NRXN3: variants seen among roughly 807,000 people sequenced by gnomAD.
The protein encoded by NRXN3 is neurexin 3.
NRXN3 carries 32 observed loss-of-function variants against 137.6 expected under a neutral mutation model. The ratio of observed to expected loss-of-function variants is 0.23; its 90% CI spans 0.18 to 0.31. NRXN3 has a LOEUF of 0.31. NRXN3 is among the 10% of genes least tolerant of loss of function. The pLI, the probability that NRXN3 is intolerant of heterozygous loss-of-function variation, is 1.00. For synonymous variants in NRXN3, 798 were observed against 784.5 expected (o/e 1.02, Z -0.29); for missense variants, 1,574 against 2,062.5 (o/e 0.76, Z 4.59).
chr14:78,781,042 A>G (rs2153027821), intron 8 of NRXN3, among the ~76,000 whole-genome samples: 1 of 152,342 alleles, frequency 6.6e-6, no homozygotes, highest in East Asian at 1.9e-4. Flanking sequence ...GAGTGCATCA[A>G]TAAATTGTGG....
intron 15 of NRXN3, among the ~76,000 whole-genome samples, chr14:79,309,824 G>C (rs1242539641): frequency 2.1e-5 from 3 of 139,940 alleles, no homozygotes; most frequent in African/African-American, 8.7e-5. Flanking sequence ...TGTAGATTCT[G>C]GATATTAGCC....
intron 15 of NRXN3, among the ~76,000 whole-genome samples, chr14:79,157,106 T>C (rs1436664247): frequency 1.3e-5 from 2 of 151,842 alleles, no homozygotes; most frequent in Non-Finnish European, 2.9e-5. Context: ...GGTCATGTTA[T>C]TGTTGTTGCT....
chr14:78,504,822 T>A (rs1460291748), intron 4 of NRXN3, among the ~76,000 whole-genome samples: 8 of 152,106 alleles, frequency 5.3e-5, no homozygotes, highest in Non-Finnish European at 5.9e-5. Context: ...CTCATAGAAA[T>A]TTAGCAATGG....
rs113562100 is a variant in NRXN3 at position 79,646,567 on chromosome 14, A to G, written c.3445-17211A>G. ...CAGCTACTGTGCTCCACATAACCATAAAGTGAACATTTTGACATTCCCGAA... is the reference window on the plus strand; with the variant it reads ...CAGCTACTGTGCTCCACATAACCATGAAGTGAACATTTTGACATTCCCGAA... On this transcript the variant is annotated intron_variant, in intron 16 of 20. Coordinates refer to ENST00000335750, the MANE Select transcript of NRXN3 (RefSeq NM_001330195.2). 8.6e-4 allele frequency among the ~76,000 whole-genome samples: 116 copies of G among 135,494 alleles called. 9 individuals are homozygous for G. The highest frequency in any genetic ancestry group is 2.7e-3 in the African/African-American group (109 of 40,816). 88.9% of individuals were successfully genotyped at this position (135,494 alleles called of 152,430 possible).
chr14:79,549,180 C>A (rs371768870), intron 16 of NRXN3, among the ~76,000 whole-genome samples: 2 of 152,074 alleles, frequency 1.3e-5, no homozygotes, highest in East Asian at 3.9e-4. Flanking sequence ...GCCTGCTTTC[C>A]AACCAGGGAT....
At chr14:78,769,352 G>A (rs1022368745) in intron 8 of NRXN3, among the ~76,000 whole-genome samples, 6 of 152,140 alleles carry the variant, frequency 3.9e-5, no homozygotes, top group Admixed American at 1.3e-4. Context: ...TGACCTTGTC[G>A]TAACTTGATT....
At chr14:78,633,119 G>T (rs1367538994) in intron 4 of NRXN3, among the ~76,000 whole-genome samples, 3 of 151,596 alleles carry the variant, frequency 2.0e-5, no homozygotes, top group Non-Finnish European at 4.4e-5. Flanking sequence ...GCCTGGTGTG[G>T]TGGCGGGTGC....
chr14:79,142,858 G>A (rs937454137), intron 15 of NRXN3, among the ~76,000 whole-genome samples: 1 of 152,126 alleles, frequency 6.6e-6, no homozygotes, highest in African/African-American at 2.4e-5. Flanking sequence ...GTGGAACTTG[G>A]CACTGGATGA....
chr14:79,237,960 T>C (rs1220627074), intron 15 of NRXN3, among the ~76,000 whole-genome samples: 1 of 152,114 alleles, frequency 6.6e-6, no homozygotes, highest in Non-Finnish European at 1.5e-5. Flanking sequence ...GCTCTGAAAA[T>C]AATCAAAAGT....
intron 3 of NRXN3, among the ~76,000 whole-genome samples, chr14:78,280,591 T>C (rs902966083): frequency 9.2e-5 from 14 of 152,148 alleles, no homozygotes; most frequent in African/African-American, 3.4e-4. Context: ...GGGCCCTGCA[T>C]AGGGTCTCCC....
intron 15 of NRXN3, among the ~76,000 whole-genome samples, chr14:79,438,975 G>A (rs190092475): frequency 3.9e-5 from 6 of 152,354 alleles, no homozygotes; most frequent in Non-Finnish European, 8.8e-5. Flanking sequence ...TTTGGCATGG[G>A]CCATGCACCA....
At chr14:78,631,376 A>G (rs2097521449) in intron 4 of NRXN3, among the ~76,000 whole-genome samples, 1 of 152,204 alleles carries the variant, frequency 6.6e-6, no homozygotes, top group Admixed American at 6.5e-5. Flanking sequence ...AACTGCTGAT[A>G]TGTACAAATA....
At chr14:78,749,041 A>G (rs1217450986) in intron 8 of NRXN3, among the ~76,000 whole-genome samples, 2 of 152,234 alleles carry the variant, frequency 1.3e-5, no homozygotes, top group East Asian at 3.9e-4. Context: ...TCTTTTCCTC[A>G]CAAAACATCA....
At chr14:79,092,334 T>C (rs1030219004) in intron 15 of NRXN3, among the ~76,000 whole-genome samples, 2 of 152,206 alleles carry the variant, frequency 1.3e-5, no homozygotes, top group Non-Finnish European at 2.9e-5. Flanking sequence ...TGAAAAAGGT[T>C]TCAAAATGTA....
At chr14:78,598,458 A>G (rs1029457201) in intron 4 of NRXN3, among the ~76,000 whole-genome samples, 1 of 152,192 alleles carries the variant, frequency 6.6e-6, no homozygotes, top group Non-Finnish European at 1.5e-5. Context: ...TGTTTCGTCT[A>G]GAGTAACCCT....
chr14:79,860,579 C>T (rs995635959), intron 20 of NRXN3, among the ~76,000 whole-genome samples: 5 of 152,188 alleles, frequency 3.3e-5, no homozygotes, highest in Admixed American at 1.3e-4. Context: ...GATGGTGAAT[C>T]GGTCATTCTC....
chr14:78,513,776 T>C (rs1010974883), intron 4 of NRXN3, among the ~76,000 whole-genome samples: 1 of 152,120 alleles, frequency 6.6e-6, no homozygotes, highest in African/African-American at 2.4e-5. Context: ...TTCAGGATTA[T>C]CAATATAAAA....
intron 15 of NRXN3, among the ~76,000 whole-genome samples, chr14:79,271,276 A>G (rs79766409): frequency 0.018 from 2,692 of 152,276 alleles, 50 homozygotes; most frequent in South Asian, 0.08. Context: ...TTTTAAAAAT[A>G]TGGTCTTTAT....
chr14:78,492,822 G>A (rs559072318), intron 4 of NRXN3, among the ~76,000 whole-genome samples: 29 of 152,226 alleles, frequency 1.9e-4, no homozygotes, highest in African/African-American at 6.3e-4. Context: ...ATAATAATAA[G>A]AGCCAACATT....
Sources: gnomAD v4.1 joint callset for allele counts (sites outside exome capture counted in the v4.1 genomes callset) on GRCh38, gnomAD v4.1.1 for gene constraint, MANE v1.5 for transcripts, NCBI Gene and HGNC (gene_info 2026-07-23, HGNC 2026-07-21) for gene names.